TMEM154: variants seen among roughly 807,000 people sequenced by gnomAD.
TMEM154 encodes transmembrane protein 154.
In TMEM154, 27 loss-of-function variants were observed where a neutral mutation model predicts 24.5. The observed-to-expected ratio is 1.10, with a 90% CI of 0.81 to 1.52. The LOEUF is 1.52. Ranked by LOEUF, TMEM154 falls within the 40% of genes most tolerant of loss-of-function variation. The pLI, the probability that TMEM154 is intolerant of heterozygous loss-of-function variation, is 0.00. For missense variants in TMEM154, 228 were observed against 213.4 expected, an observed-to-expected ratio of 1.07 and a Z score of -0.43; for synonymous variants, 67 against 76.8, an observed-to-expected ratio of 0.87 and a Z score of 0.67.
At chr4:152,652,634 T>A (rs554225378) in intron 2 of TMEM154, 33 bp downstream of exon 2, 1 of 1,613,330 alleles carries the variant, frequency 6.2e-7, no homozygotes, top group East Asian at 2.2e-5. Flanking sequence ...CATGAAGCAA[T>A]TTTCTGGAAA....
chr4:152,663,000 C>A (rs375477803), intron 1 of TMEM154, among the ~76,000 whole-genome samples: 1 of 152,134 alleles, frequency 6.6e-6, no homozygotes, highest in Non-Finnish European at 1.5e-5. Flanking sequence ...ACCCTTGGGG[C>A]CTGGGAAGAA....
intron 1 of TMEM154, among the ~76,000 whole-genome samples, chr4:152,674,554 T>C (rs969532063): frequency 5.3e-5 from 8 of 152,162 alleles, no homozygotes; most frequent in Non-Finnish European, 1.2e-4. Context: ...TACCCCCTCA[T>C]GGAGGCTTTG....
At chr4:152,679,357 C>G (rs1011463122) in intron 1 of TMEM154, among the ~76,000 whole-genome samples, 3 of 150,010 alleles carry the variant, frequency 2.0e-5, no homozygotes, top group African/African-American at 7.3e-5. Flanking sequence ...GGTAGCTCTT[C>G]GGATAATTTC....
chr4:152,671,864 G>A (rs1212557315), intron 1 of TMEM154, among the ~76,000 whole-genome samples: 1 of 151,870 alleles, frequency 6.6e-6, no homozygotes, highest in Non-Finnish European at 1.5e-5. Context: ...AGGCCCCTGT[G>A]ACATGTCCAG....
rs34505466 is a variant in TMEM154 at position 152,620,528 on chromosome 4, G to GT, written c.*8017dup. 133,385 of 150,240 alleles carry GT rather than the reference G, an allele frequency of 0.89. 60,093 individuals are homozygous for GT. The highest frequency in any genetic ancestry group is 0.96 in the Non-Finnish European group (64,579 of 67,542). 9.3% of individuals were successfully genotyped at this position (150,240 alleles called of 1,614,324 possible). Reference sequence around the variant, plus strand: ...ACTTTTTTTTGTTTGTTTTTTTGTTGTTTTTTTTTAGACAAGGCTGGAGTA... The same window carrying GT: ...ACTTTTTTTTGTTTGTTTTTTTGTTGTTTTTTTTTTAGACAAGGCTGGAGTA... On this transcript the variant is annotated 3_prime_UTR_variant, in exon 7 of 7. Transcript: ENST00000304385.
intron 3 of TMEM154, among the ~76,000 whole-genome samples, chr4:152,645,968 C>T (rs1307917691): frequency 1.3e-5 from 2 of 151,714 alleles, no homozygotes; most frequent in South Asian, 4.2e-4. Context: ...CACACACACA[C>T]ACACACACAC....
chr4:152,651,497 A>C (rs1304423748), intron 3 of TMEM154, among the ~76,000 whole-genome samples: 3 of 152,040 alleles, frequency 2.0e-5, no homozygotes, highest in Non-Finnish European at 4.4e-5. Context: ...TTTCCCTTAA[A>C]CCTCATGAAA....
In TMEM154 at chr4:152,626,784, G is replaced by C. The variant is rs1751930419; in HGVS notation, c.*1762C>G. ...GGGGCAAATGGAGGCTCTTCTGAGA[G>C]TCAAAATGTTGATGAGAAACAAACT... On this transcript the variant is annotated 3_prime_UTR_variant, in exon 7 of 7. Coordinates refer to ENST00000304385, the MANE Select transcript of TMEM154 (RefSeq NM_152680.3). 1 of 152,190 alleles carries C rather than the reference G, an allele frequency of 6.6e-6. No homozygotes were observed. Among genetic ancestry groups the C allele is most frequent in the South Asian group, 2.1e-4 (1 of 4,828 alleles). The allele number at this position is 152,190 out of a possible 1,614,324, so 9.4% of individuals were successfully genotyped here.
At chr4:152,640,784 C>T in intron 6 of TMEM154, 144 bp downstream of exon 6, 1 of 660,284 alleles carries the variant, frequency 1.5e-6, no homozygotes, top group East Asian at 2.9e-5. Flanking sequence ...TCCTCTTCTC[C>T]ACACTATGCA....
Position 152,626,492 on chromosome 4 carries a change from T to C in TMEM154, c.*2054A>G, listed in dbSNP as rs914636397. 1 of 152,208 alleles carries C rather than the reference T, an allele frequency of 6.6e-6. No homozygotes were observed. The highest frequency in any genetic ancestry group is 2.4e-5 in the African/African-American group (1 of 41,454). The allele number at this position is 152,208 out of a possible 1,614,324, so 9.4% of individuals were successfully genotyped here. ...TCATATACCCTGACAGAATAAACTA[T>C]CTTTTTAAAAAGTGCTTTGTACACT... On this transcript the variant is annotated 3_prime_UTR_variant, in exon 7 of 7. Coordinates refer to ENST00000304385, the MANE Select transcript of TMEM154 (RefSeq NM_152680.3).
At chr4:152,650,055 G>A (rs889273197) in intron 3 of TMEM154, among the ~76,000 whole-genome samples, 9 of 152,174 alleles carry the variant, frequency 5.9e-5, no homozygotes, top group African/African-American at 1.7e-4. Flanking sequence ...CTGGCGGAGG[G>A]TCTTGCCTTG....
intron 3 of TMEM154, chr4:152,647,089 T>A: frequency 1.9e-6 from 2 of 1,063,602 alleles, no homozygotes; most frequent in Non-Finnish European, 2.8e-6. Flanking sequence ...TAATTTCCAA[T>A]CAGATGAAGT....
chr4:152,652,214 GA>G, intron 3 of TMEM154, among the ~76,000 whole-genome samples: 1 of 147,746 alleles, frequency 6.8e-6, no homozygotes, highest in Non-Finnish European at 1.5e-5. Flanking sequence ...ATGTGCTGTT[GA>G]AAAAATGATA....
At chr4:152,658,095 C>A (rs1345575000) in intron 1 of TMEM154, among the ~76,000 whole-genome samples, 1 of 152,008 alleles carries the variant, frequency 6.6e-6, no homozygotes, top group Non-Finnish European at 1.5e-5. Flanking sequence ...TCTTCTCAGA[C>A]CACAACAGAA....
At chr4:152,647,068 A>G (rs1428686981) in intron 3 of TMEM154, 7 of 933,504 alleles carry the variant, frequency 7.5e-6, no homozygotes, top group Admixed American at 2.0e-5. Context: ...GGACAAGCCC[A>G]AAGGAAAAAG....
chr4:152,620,922 C>T lies in TMEM154; in HGVS notation c.*7624G>A, dbSNP rs1751835816. 6.6e-6 allele frequency: 1 copy of T among 152,216 alleles called. No homozygotes were observed. The highest frequency in any genetic ancestry group is 1.9e-4 in the East Asian group (1 of 5,200). 9.4% of individuals were successfully genotyped at this position (152,216 alleles called of 1,614,324 possible). A position where few individuals can be genotyped will look rare whatever the true frequency, so the allele number is the denominator to read the frequency against. ...GGAACAAGGTATAAGTTCTCTAAAC[C>T]TACCTCATAAGTAATTACTAGGATT... On this transcript the variant is annotated 3_prime_UTR_variant, in exon 7 of 7. Coordinates refer to ENST00000304385, the MANE Select transcript of TMEM154 (RefSeq NM_152680.3).
chr4:152,631,019 G>A (rs1752029853), intron 6 of TMEM154, among the ~76,000 whole-genome samples: 1 of 151,960 alleles, frequency 6.6e-6, no homozygotes, highest in African/African-American at 2.4e-5. Context: ...TAAACATTTA[G>A]GCTACTTCAA....
rs1728409791 is a variant in TMEM154 at position 152,652,683 on chromosome 4, TC to T, written c.308del (p.Arg103LysfsTer27). 6.2e-7 allele frequency: 1 copy of T among 1,613,350 alleles called. No individual in the cohort carries two copies. Among genetic ancestry groups the T allele is most frequent in the African/African-American group, 1.3e-5 (1 of 74,962 alleles). ...AATATTTACCTTGTTTAGTTCTTTT[TC>T]TTTTATAGTATGTTGCAAGGAATAC... ...SVVFLATYYK[R>X]KRTKQEPSSQ... On this transcript the variant is annotated frameshift_variant, in exon 2 of 7. Transcript: ENST00000304385. LOFTEE classifies it high-confidence loss of function.
intron 1 of TMEM154, among the ~76,000 whole-genome samples, chr4:152,662,249 G>C (rs750224024): frequency 6.6e-6 from 1 of 151,928 alleles, no homozygotes; most frequent in Non-Finnish European, 1.5e-5. Context: ...TACTCTTGGT[G>C]GTCTGATCAG....
Sources: gnomAD v4.1 joint callset for allele counts (sites outside exome capture counted in the v4.1 genomes callset) on GRCh38, gnomAD v4.1.1 for gene constraint, MANE v1.5 for transcripts, NCBI Gene and HGNC (gene_info 2026-07-23, HGNC 2026-07-21) for gene names.